PCDHGB4: variants seen among roughly 807,000 people sequenced by gnomAD.
PCDHGB4 encodes protocadherin gamma subfamily B, 4.
A neutral mutation model predicts 60.5 loss-of-function variants in PCDHGB4; 38 were observed. The ratio of observed to expected loss-of-function variants is 0.63; its 90% CI spans 0.48 to 0.82. The LOEUF (loss-of-function observed/expected upper bound fraction) is 0.82, where lower values mean the gene tolerates loss of function less well. PCDHGB4 is among the 40% of genes least tolerant of loss of function. PCDHGB4 has a pLI of 0.00. For missense variants in PCDHGB4, 1,109 were observed against 1,209.6 expected, an observed-to-expected ratio of 0.92 and a Z score of 1.23; for synonymous variants, 456 against 509.7, an observed-to-expected ratio of 0.89 and a Z score of 1.42.
intron 1 of PCDHGB4, among the ~76,000 whole-genome samples, chr5:141,452,585 G>A (rs1310395736): frequency 6.6e-6 from 1 of 151,984 alleles, no homozygotes; most frequent in Non-Finnish European, 1.5e-5. Context: ...TTCCATCTTT[G>A]TATTTTTATT....
intron 1 of PCDHGB4, chr5:141,395,043 G>A: frequency 6.2e-7 from 1 of 1,614,150 alleles, no homozygotes. Flanking sequence ...TGTGGGTGTT[G>A]AGGAGGTACA....
intron 1 of PCDHGB4, among the ~76,000 whole-genome samples, chr5:141,452,674 G>A (rs2098746885): frequency 6.6e-6 from 1 of 151,936 alleles, no homozygotes; most frequent in Non-Finnish European, 1.5e-5. Context: ...TCCAGCCTAG[G>A]CCACAGAATG....
Position 141,387,714 on chromosome 5 carries a change from A to G in PCDHGB4, c.-171A>G. The G allele has an allele frequency of 9.4e-7, 1 of 1,059,158 alleles. No individual in the cohort carries two copies. The highest frequency in any genetic ancestry group is 2.6e-5 in the East Asian group (1 of 38,216). 65.6% of individuals were successfully genotyped at this position (1,059,158 alleles called of 1,614,324 possible). A position where few individuals can be genotyped will look rare whatever the true frequency, so the allele number is the denominator to read the frequency against. On this transcript the variant is annotated 5_prime_UTR_variant, in exon 1 of 4. Coordinates refer to ENST00000519479, the MANE Select transcript of PCDHGB4 (RefSeq NM_003736.4). ...GCGCTTTCCAGGGCAGCCCCAGCTC[A>G]GACTCCCCAGCGCCAGCCTTTACAC...
chr5:141,480,381 C>T (rs1018981416), intron 1 of PCDHGB4, among the ~76,000 whole-genome samples: 2 of 151,926 alleles, frequency 1.3e-5, no homozygotes, highest in Non-Finnish European at 2.9e-5. Context: ...CACCACTACA[C>T]TTCAACCATG....
chr5:141,505,633 A>C, intron 3 of PCDHGB4, 152 bp downstream of exon 3: 3 of 1,471,286 alleles, frequency 2.0e-6, no homozygotes, highest in South Asian at 1.3e-5. Context: ...TCCAAACATA[A>C]AGCCTGGAAT....
At chr5:141,452,421 C>A (rs1211472567) in intron 1 of PCDHGB4, among the ~76,000 whole-genome samples, 2 of 152,180 alleles carry the variant, frequency 1.3e-5, no homozygotes, top group Non-Finnish European at 2.9e-5. Context: ...ATGCTCACTG[C>A]TAATGGGCTG....
At position 141,487,763 on chromosome 5, in the gene PCDHGB4, G is replaced by A; in HGVS notation, c.2398-7044G>A. ...AAGAGGTAACTATGTGGTAGACGCT[G>A]TGCTTTGTAACTGTTTCGTGAATTA... On this transcript the variant is annotated intron_variant, in intron 1 of 3. Coordinates refer to ENST00000519479, the MANE Select transcript of PCDHGB4 (RefSeq NM_003736.4). This position sits in a 1 kb window ranked among gnomAD's most constrained non-coding sequence, Gnocchi z 5.0. 6.5e-7 allele frequency: 1 copy of A among 1,544,968 alleles called. No homozygotes were observed. The highest frequency in any genetic ancestry group is 1.2e-5 in the South Asian group (1 of 83,382).
rs757503771 is a variant in PCDHGB4 at position 141,433,052 on chromosome 5, A to C, written c.2397+42771A>C. 31 of 1,614,060 alleles carry C rather than the reference A, an allele frequency of 1.9e-5. No homozygotes were observed. Among genetic ancestry groups the C allele is most frequent in the Non-Finnish European group, 1.8e-5 (21 of 1,180,044 alleles). On this transcript the variant is annotated intron_variant, in intron 1 of 3. Coordinates refer to ENST00000519479, the MANE Select transcript of PCDHGB4 (RefSeq NM_003736.4). ...GGTTTCCCTCACCACGGACTCGCGG[A>C]AGAGTCACCTGATCTTCCCCCAGCC...
At chr5:141,415,071 G>A (rs757356726) in intron 1 of PCDHGB4, 21 of 1,613,422 alleles carry the variant, frequency 1.3e-5, no homozygotes, top group East Asian at 2.2e-5. Flanking sequence ...AGGTGCGCAC[G>A]GCGCGAGCCC....
intron 1 of PCDHGB4, chr5:141,423,829 A>G: frequency 7.9e-7 from 1 of 1,268,964 alleles, no homozygotes; most frequent in Non-Finnish European, 9.9e-7. Flanking sequence ...GCCTTTCATG[A>G]GATTACGATA....
chr5:141,468,348 A>C (rs962230735), intron 1 of PCDHGB4: 2 of 150,318 alleles, frequency 1.3e-5, no homozygotes, highest in African/African-American at 4.9e-5. Context: ...AAAAAAAAAA[A>C]AGAAAGAAAA....
chr5:141,427,764 T>C (rs1239199764), intron 1 of PCDHGB4: 4 of 1,383,480 alleles, frequency 2.9e-6, no homozygotes, highest in Non-Finnish European at 4.1e-6. Context: ...TACCACTGAC[T>C]TGGAGCTGCG....
intron 1 of PCDHGB4, chr5:141,418,786 TGAA>T: frequency 1.2e-6 from 2 of 1,613,854 alleles, no homozygotes; most frequent in Non-Finnish European, 8.5e-7. Flanking sequence ...CTTTGGATTT[TGAA>T]GAAGTAGAAA....
At chr5:141,403,350 TC>T in intron 1 of PCDHGB4, 2 of 1,613,994 alleles carry the variant, frequency 1.2e-6, no homozygotes, top group Non-Finnish European at 1.7e-6. Flanking sequence ...GCCCCAAAGT[TC>T]CAGGCCGAAA....
rs578223384 is a variant in PCDHGB4 at position 141,400,070 on chromosome 5, C to T, written c.2397+9789C>T. Reference sequence around the variant, plus strand: ...GTTGCTGTGCGTGATGGTGGACAGCCGCCACTCTCCGCCACCGCCACGCTG... The same window carrying T: ...GTTGCTGTGCGTGATGGTGGACAGCTGCCACTCTCCGCCACCGCCACGCTG... On this transcript the variant is annotated intron_variant, in intron 1 of 3. Coordinates refer to ENST00000519479, the MANE Select transcript of PCDHGB4 (RefSeq NM_003736.4). 1.2e-6 allele frequency: 2 copies of T among 1,613,922 alleles called. No individual in the cohort carries two copies. Among genetic ancestry groups the T allele is most frequent in the African/African-American group, 1.3e-5 (1 of 75,062 alleles).
Position 141,414,407 on chromosome 5 carries a change from A to T in PCDHGB4, c.2397+24126A>T, listed in dbSNP as rs181582338. On this transcript the variant is annotated intron_variant, in intron 1 of 3. Transcript: ENST00000519479. ...GACAGTTATTACAGATTGGTGATACACAGAGCCCTTGACAGGGAACAGGTA... is the reference window on the plus strand; with the variant it reads ...GACAGTTATTACAGATTGGTGATACTCAGAGCCCTTGACAGGGAACAGGTA... 96 of 1,613,912 alleles carry T rather than the reference A, an allele frequency of 5.9e-5. No individual in the cohort carries two copies. In the East Asian group the frequency reaches 1.5e-3, roughly 25 times the overall value.
At chr5:141,397,395 C>G (rs1382237446) in intron 1 of PCDHGB4, among the ~76,000 whole-genome samples, 1 of 152,048 alleles carries the variant, frequency 6.6e-6, no homozygotes, top group Non-Finnish European at 1.5e-5. Flanking sequence ...ATTGCCACAA[C>G]TTTACAAAAT....
Position 141,421,822 on chromosome 5 carries a change from G to A in PCDHGB4, c.2397+31541G>A, listed in dbSNP as rs2096603648. On this transcript the variant is annotated intron_variant, in intron 1 of 3. Transcript: ENST00000519479. ...CAAGAATCCAGAGCTAGTACTGGAG[G>A]GAAGCCTGGACCGAGAGAAAGAGGC... 3.7e-6 allele frequency: 6 copies of A among 1,613,690 alleles called. No homozygotes were observed. The East Asian group carries it at 1.1e-4, about 30-fold the overall frequency.
chr5:141,507,862 G>T (rs17286954), intron 3 of PCDHGB4, among the ~76,000 whole-genome samples: 20,426 of 152,154 alleles, frequency 0.13, 1,374 homozygotes, highest in Admixed American at 0.16. Context: ...TTTCACACCC[G>T]CTTCCTAGCC....
Sources: allele counts gnomAD v4.1 joint callset (sites outside exome capture counted in the v4.1 genomes callset), GRCh38; gene constraint gnomAD v4.1.1; non-coding constraint Gnocchi (gnomAD v3.1); transcripts MANE v1.5; gene names NCBI Gene and HGNC (gene_info 2026-07-23, HGNC 2026-07-21).